The following TMEM131 variants were observed in gnomAD, a reference collection of about 807,000 sequenced individuals.
TMEM131 encodes the protein 2610524E03Rik.
In TMEM131, 66 loss-of-function variants were observed where a neutral mutation model predicts 211.6. The ratio of observed to expected loss-of-function variants is 0.31; its 90% CI spans 0.26 to 0.38. The LOEUF (loss-of-function observed/expected upper bound fraction) is 0.38, where lower values mean the gene tolerates loss of function less well. Among genes scored for constraint, TMEM131 ranks in the 10% least tolerant of loss-of-function variants. The pLI is 1.00. For missense variants in TMEM131, 2,036 were observed against 2,299.3 expected (o/e 0.89, Z 2.34); for synonymous variants, 844 against 841.3 (o/e 1.00, Z -0.06).
At chr2:97,862,665 G>A (rs1469887595) in intron 4 of TMEM131, among the ~76,000 whole-genome samples, 1 of 151,904 alleles carries the variant, frequency 6.6e-6, no homozygotes, top group Non-Finnish European at 1.5e-5. Context: ...CTTGAAGACA[G>A]GCTATTTGAA....
At chr2:97,990,218 T>C (rs989709181) in intron 1 of TMEM131, among the ~76,000 whole-genome samples, 2 of 152,180 alleles carry the variant, frequency 1.3e-5, no homozygotes, top group Non-Finnish European at 2.9e-5. Context: ...ATCCACTCAC[T>C]GGTTTCCTTT....
chr2:97,806,944 C>T (rs1259756478), intron 19 of TMEM131, among the ~76,000 whole-genome samples: 4 of 152,132 alleles, frequency 2.6e-5, no homozygotes, highest in Admixed American at 2.6e-4. Flanking sequence ...CCGACAGGAG[C>T]CCTCGGGCAG....
At chr2:97,970,308 C>T (rs1426172319) in intron 1 of TMEM131, among the ~76,000 whole-genome samples, 1 of 148,624 alleles carries the variant, frequency 6.7e-6, no homozygotes, top group Non-Finnish European at 1.5e-5. Context: ...GAGACAAATG[C>T]TCCATGCCTG....
rs1221585992 is a variant in TMEM131 at position 97,797,433 on chromosome 2, T to G, written c.2802A>C (p.Glu934Asp). The G allele has an allele frequency of 6.2e-7, 1 of 1,613,210 alleles. No homozygotes were observed. Among genetic ancestry groups the G allele is most frequent in the Non-Finnish European group, 8.5e-7 (1 of 1,179,700 alleles). Residue 934 changes from glutamate (E) to aspartate (D), a missense_variant, in exon 26 of 41, where the codon GAA (glutamate) becomes GAC (aspartate). Physicochemically the swap from Glu to Asp is conservative, Grantham distance 45. Transcript: ENST00000186436. ...LILNLILKPG[E>D]KKSVKVKFTP... Reference sequence around the variant, plus strand: ...TAAACTTTACTTTGACAGATTTCTTTTCTCCAGGTTTTAAAATTAGGTTTA... The same window carrying G: ...TAAACTTTACTTTGACAGATTTCTTGTCTCCAGGTTTTAAAATTAGGTTTA...
chr2:97,766,118 G>T lies in TMEM131; in HGVS notation c.4719C>A (p.Gly1573=), dbSNP rs1334565185. 2 of 1,614,000 alleles carry T rather than the reference G, an allele frequency of 1.2e-6. No individual in the cohort carries two copies. The highest frequency in any genetic ancestry group is 2.2e-5 in the East Asian group (1 of 44,890). Residue 1573 remains glycine, a synonymous_variant, in exon 35 of 41, where the codon GGC becomes GGA. Transcript: ENST00000186436. ...TTTCTAAACTACTATACTTACAGCT[G>T]CCAGGTTTGTGAACTGGAACGGAAT... The part of the protein sequence containing the change: ...EWDSVPVHKP[G]SSTDSLYKLS...
intron 11 of TMEM131, chr2:97,827,464 G>T: frequency 2.0e-6 from 2 of 1,021,526 alleles, no homozygotes; most frequent in Non-Finnish European, 3.1e-6. Flanking sequence ...AACTAAAGAA[G>T]ATTTACCTGC....
intron 3 of TMEM131, among the ~76,000 whole-genome samples, chr2:97,893,723 A>C (rs1443160251): frequency 6.8e-6 from 1 of 147,674 alleles, no homozygotes; most frequent in Non-Finnish European, 1.5e-5. Flanking sequence ...TCCTTCACCC[A>C]CTTTTTGATG....
intron 31 of TMEM131, among the ~76,000 whole-genome samples, chr2:97,785,592 G>C (rs1680212393): frequency 6.6e-6 from 1 of 152,182 alleles, no homozygotes; most frequent in African/African-American, 2.4e-5. Context: ...ACAGTCATTA[G>C]AGAAAACGTT....
chr2:97,925,335 G>A (rs1573565925), intron 2 of TMEM131, among the ~76,000 whole-genome samples: 1 of 152,178 alleles, frequency 6.6e-6, no homozygotes, highest in African/African-American at 2.4e-5. Context: ...GGGAATGATG[G>A]TTTGAGATAC....
chr2:97,873,767 A>C (rs1018584296), intron 4 of TMEM131, among the ~76,000 whole-genome samples: 1 of 152,234 alleles, frequency 6.6e-6, no homozygotes, highest in African/African-American at 2.4e-5. Flanking sequence ...GATGGGGATA[A>C]ACCAGCACAA....
At chr2:97,864,239 G>A (rs923376726) in intron 4 of TMEM131, among the ~76,000 whole-genome samples, 3 of 152,160 alleles carry the variant, frequency 2.0e-5, no homozygotes, top group Non-Finnish European at 4.4e-5. Context: ...AAGGATAGCA[G>A]CGGGGATGGG....
chr2:97,800,095 G>A (rs979246774), intron 25 of TMEM131, among the ~76,000 whole-genome samples: 12 of 151,974 alleles, frequency 7.9e-5, no homozygotes, highest in Admixed American at 2.6e-4. Flanking sequence ...TTCCATGCCC[G>A]GCCTCAGTTT....
intron 5 of TMEM131, among the ~76,000 whole-genome samples, chr2:97,848,024 G>A (rs536226483): frequency 1.3e-5 from 2 of 152,250 alleles, no homozygotes; most frequent in South Asian, 4.1e-4. Context: ...AGGATTCATA[G>A]TATCTAATTC....
chr2:97,794,132 T>C (rs1329864091), intron 29 of TMEM131, among the ~76,000 whole-genome samples: 1 of 151,520 alleles, frequency 6.6e-6, no homozygotes, highest in Non-Finnish European at 1.5e-5. Flanking sequence ...AATGGGGCGA[T>C]CTCAGCTCAC....
chr2:97,956,438 GT>G (rs1678569814), intron 1 of TMEM131, among the ~76,000 whole-genome samples: 1 of 152,014 alleles, frequency 6.6e-6, no homozygotes. Context: ...TTTAACTCAT[GT>G]GGTATTGATC....
At chr2:97,802,194 C>T (rs1033474192) in intron 24 of TMEM131, among the ~76,000 whole-genome samples, 33 of 152,166 alleles carry the variant, frequency 2.2e-4, no homozygotes, top group African/African-American at 7.2e-4. Context: ...TCTCTTTACA[C>T]ATTTTTAGAA....
At position 97,808,077 on chromosome 2, in the gene TMEM131, C is replaced by A. The variant is rs1038447726; in HGVS notation, c.2055+1611G>T. ...TAATGAGATATCTTGGGGACAGAAC[C>A]CAAGTCTAAACATGAAATTCATTTA... On this transcript the variant is annotated intron_variant, in intron 19 of 40. Transcript: ENST00000186436. Among the ~76,000 whole-genome samples, 9 of 152,010 alleles carry A rather than the reference C, an allele frequency of 5.9e-5. No homozygotes were observed. In the East Asian group the frequency reaches 1.7e-3, roughly 29 times the overall value.
chr2:97,825,880 T>C (rs1682358953), intron 11 of TMEM131, among the ~76,000 whole-genome samples: 1 of 152,256 alleles, frequency 6.6e-6, no homozygotes, highest in Admixed American at 6.5e-5. Flanking sequence ...CTACTCATGA[T>C]GTAAATGGCA....
intron 1 of TMEM131, among the ~76,000 whole-genome samples, chr2:97,974,056 C>T (rs1180138098): frequency 6.6e-6 from 1 of 152,078 alleles, no homozygotes; most frequent in Non-Finnish European, 1.5e-5. Flanking sequence ...TGAAACCAAC[C>T]TAGAACTGGC....
Sources: allele counts gnomAD v4.1 joint callset (sites outside exome capture counted in the v4.1 genomes callset), GRCh38; gene constraint gnomAD v4.1.1; transcripts MANE v1.5; gene names NCBI Gene and HGNC (gene_info 2026-07-23, HGNC 2026-07-21).